CACNG6: variants seen among roughly 807,000 people sequenced by gnomAD.
CACNG6 encodes the protein voltage-dependent calcium channel gamma-6 subunit.
CACNG6 carries 21 observed loss-of-function variants against 23.9 expected under a neutral mutation model. The observed-to-expected ratio is 0.88, with a 90% CI of 0.62 to 1.26. The LOEUF (loss-of-function observed/expected upper bound fraction) is 1.26, where lower values mean the gene tolerates loss of function less well. CACNG6 is among the 50% of genes most tolerant of loss of function. The pLI is 0.00. For missense variants in CACNG6, 340 were observed against 352.9 expected, an observed-to-expected ratio of 0.96 and a Z score of 0.29; for synonymous variants, 182 against 168.9, an observed-to-expected ratio of 1.08 and a Z score of -0.60.
intron 1 of CACNG6, among the ~76,000 whole-genome samples, chr19:53,995,082 C>T (rs1446821052): frequency 6.8e-6 from 1 of 147,872 alleles, no homozygotes; most frequent in Admixed American, 6.7e-5. Flanking sequence ...CTCGGTGGCT[C>T]GGTCTATGCA....
intron 3 of CACNG6, among the ~76,000 whole-genome samples, chr19:54,001,636 G>A (rs191596848): frequency 6.6e-6 from 1 of 152,172 alleles, no homozygotes; most frequent in Admixed American, 6.5e-5. Context: ...CTTTTTCATC[G>A]TTCTGTCCTC....
chr19:54,006,517 C>CTTTTTTTT (rs1236056716), intron 3 of CACNG6, among the ~76,000 whole-genome samples: 28 of 107,316 alleles, frequency 2.6e-4, no homozygotes, highest in African/African-American at 3.8e-4. Context: ...TTCCTTCTTT[C>CTTTTTTTT]TTTTCTTTTT....
rs2069481886 is a variant in CACNG6, at chr19:53,993,099, C to T, written c.222C>T (p.Ala74=). Residue 74 remains alanine, a synonymous_variant, in exon 1 of 4, where the codon GCC becomes GCT. Transcript: ENST00000252729. ...ELNTYKANGS[A]VCEAAHLGLW... ...ACACCTACAAGGCCAACGGCAGCGCCGTGTGCGAAGCGGCCCACCTGGGGC... is the reference window on the plus strand; with the variant it reads ...ACACCTACAAGGCCAACGGCAGCGCTGTGTGCGAAGCGGCCCACCTGGGGC... 6.5e-7 allele frequency: 1 copy of T among 1,546,602 alleles called. No homozygotes were observed. The highest frequency in any genetic ancestry group is 8.7e-7 in the Non-Finnish European group (1 of 1,145,176).
rs1336507602 is a variant in CACNG6 at position 53,991,938 on chromosome 19, G to A, written c.-940G>A. Among the ~76,000 whole-genome samples the A allele has an allele frequency of 2.0e-5, 3 of 152,104 alleles. No homozygotes were observed. The highest frequency in any genetic ancestry group is 7.2e-5 in the African/African-American group (3 of 41,412). ...TTTCCGAGCCGCAGTGCGGACCACA[G>A]CCCCATAGTGTGAGCCCCAGGAGGG... On this transcript the variant is annotated 5_prime_UTR_variant, in exon 1 of 4. Coordinates refer to ENST00000252729, the MANE Select transcript of CACNG6 (RefSeq NM_145814.2).
chr19:54,004,487 G>T lies in CACNG6; in HGVS notation c.544+4716G>T, dbSNP rs991992552. On this transcript the variant is annotated intron_variant, in intron 3 of 3. Transcript: ENST00000252729. Reference sequence around the variant, plus strand: ...CCCGCCTCAGCCTCCCAAAGTGTTGGGATTACAGGTGTGAGCCACCACGCC... The same window carrying T: ...CCCGCCTCAGCCTCCCAAAGTGTTGTGATTACAGGTGTGAGCCACCACGCC... Among the ~76,000 whole-genome samples the T allele has an allele frequency of 4.6e-5, 7 of 151,840 alleles. No individual in the cohort carries two copies. In the East Asian group the frequency reaches 1.4e-3, roughly 29 times the overall value.
Position 54,012,080 on chromosome 19 carries a change from T to TG in CACNG6, c.679dup (p.Ala227GlyfsTer43). On this transcript the variant is annotated frameshift_variant, in exon 4 of 4. Transcript: ENST00000252729. LOFTEE classifies it high-confidence loss of function. ...TACTCCTGGTCCCTGGGCTGCGGCG[T>TG]GGGGGCCGGCCTGATCCTGCTGTTG... 4 of 1,590,592 alleles carry TG rather than the reference T, an allele frequency of 2.5e-6. No homozygotes were observed. Among genetic ancestry groups the TG allele is most frequent in the Non-Finnish European group, 3.4e-6 (4 of 1,170,082 alleles).
chr19:54,009,783 TA>T (rs34786973), intron 3 of CACNG6, among the ~76,000 whole-genome samples: 24 of 147,486 alleles, frequency 1.6e-4, no homozygotes, highest in Middle Eastern at 6.9e-3. Flanking sequence ...TTGCTTTTTT[TA>T]AAAAAAAAAA....
At chr19:54,004,900 A>AAAAT (rs57494617) in intron 3 of CACNG6, among the ~76,000 whole-genome samples, 13,869 of 151,538 alleles carry the variant, frequency 0.092, 1,212 homozygotes, top group African/African-American at 0.23. Context: ...GAAAATGTTA[A>AAAAT]AAATAAATAA....
chr19:54,001,028 G>A lies in CACNG6; in HGVS notation c.544+1257G>A, dbSNP rs181991293. On this transcript the variant is annotated intron_variant, in intron 3 of 3. Coordinates refer to ENST00000252729, the MANE Select transcript of CACNG6 (RefSeq NM_145814.2). ...TTTTGAGATGGAGTCTCACTCTGTCGCCCAGGCTGGAGTGCAGTGGCACGA... is the reference window on the plus strand; with the variant it reads ...TTTTGAGATGGAGTCTCACTCTGTCACCCAGGCTGGAGTGCAGTGGCACGA... 4.3e-4 allele frequency among the ~76,000 whole-genome samples: 65 copies of A among 150,988 alleles called. No individual in the cohort carries two copies. The East Asian group carries it at 7.5e-3, about 17-fold the overall frequency.
chr19:54,008,638 C>A (rs1403592653), intron 3 of CACNG6, among the ~76,000 whole-genome samples: 1 of 152,218 alleles, frequency 6.6e-6, no homozygotes, highest in East Asian at 1.9e-4. Context: ...GTGCTGCGTC[C>A]TACACAGGAC....
intron 3 of CACNG6, among the ~76,000 whole-genome samples, chr19:54,010,040 CTTTT>C (rs34229634): frequency 4.0e-5 from 5 of 125,346 alleles, no homozygotes; most frequent in Admixed American, 2.6e-4. Context: ...TCTTTTCTTT[CTTTT>C]TTTTTTTTTT....
In CACNG6 at chr19:54,012,004, C is replaced by G. The variant is rs1314992037; in HGVS notation, c.598C>G (p.Leu200Val). The stretch of plus-strand genomic sequence containing the variant: ...GTTCCGGCATTCCGTGAGGGCCCTG[C>G]TGCAGAGAGTCAGCCCGGAGCCTCC... The part of the protein sequence containing the change: ...EVFRHSVRAL[L>V]QRVSPEPPPA... The change falls in exon 4 of 4, where the codon CTG becomes GTG. Residue 200 changes from leucine to valine, a missense_variant. Coordinates refer to ENST00000252729, the MANE Select transcript of CACNG6 (RefSeq NM_145814.2). 1.9e-6 allele frequency: 3 copies of G among 1,602,410 alleles called. No individual in the cohort carries two copies. Among genetic ancestry groups the G allele is most frequent in the Admixed American group, 3.4e-5 (2 of 58,524 alleles).
intron 1 of CACNG6, 29 bp from the exon 2 acceptor site, chr19:53,998,210 T>C: frequency 6.3e-7 from 1 of 1,599,766 alleles, no homozygotes; most frequent in Non-Finnish European, 8.6e-7. Context: ...CACATCCTCA[T>C]GTCTGTTTTC....
chr19:53,997,432 T>G (rs183904460), intron 1 of CACNG6, among the ~76,000 whole-genome samples: 114 of 152,284 alleles, frequency 7.5e-4, no homozygotes, highest in Middle Eastern at 6.8e-3. Flanking sequence ...GTTTTGTTTT[T>G]TTTTTCTGGA....
At chr19:54,004,051 C>T (rs765355928) in intron 3 of CACNG6, among the ~76,000 whole-genome samples, 7 of 152,076 alleles carry the variant, frequency 4.6e-5, no homozygotes, top group South Asian at 2.1e-4. Context: ...GAGATGAGGT[C>T]TCACTATGTT....
chr19:53,996,722 C>T (rs953805713), intron 1 of CACNG6, among the ~76,000 whole-genome samples: 8 of 152,118 alleles, frequency 5.3e-5, no homozygotes, highest in Admixed American at 2.6e-4. Flanking sequence ...ATTTTTTCCT[C>T]GTTCTTTTCC....
At chr19:54,009,160 C>G (rs772080591) in intron 3 of CACNG6, among the ~76,000 whole-genome samples, 3 of 151,974 alleles carry the variant, frequency 2.0e-5, no homozygotes, top group Admixed American at 6.6e-5. Context: ...CGGTGGCTCA[C>G]GTCTGTAATC....
intron 3 of CACNG6, among the ~76,000 whole-genome samples, chr19:54,002,657 A>G (rs1472951830): frequency 2.6e-5 from 4 of 152,072 alleles, no homozygotes; most frequent in African/African-American, 9.7e-5. Flanking sequence ...GTTATTATTG[A>G]ACTCACACCT....
intron 1 of CACNG6, among the ~76,000 whole-genome samples, chr19:53,996,398 TC>T (rs373637034): frequency 1.4e-4 from 11 of 76,494 alleles, no homozygotes; most frequent in Admixed American, 4.0e-4. Context: ...TCTCTCTCTC[TC>T]TTTTTTTTTT....
Sources: gnomAD v4.1 joint callset for allele counts (sites outside exome capture counted in the v4.1 genomes callset) on GRCh38, gnomAD v4.1.1 for gene constraint, MANE v1.5 for transcripts, NCBI Gene and HGNC (gene_info 2026-07-23, HGNC 2026-07-21) for gene names.